The following DTNB variants were observed in gnomAD, a reference collection of about 807,000 sequenced individuals.
DTNB encodes DTN-B.
DTNB carries 63 observed loss-of-function variants against 90.7 expected under a neutral mutation model. The observed-to-expected ratio is 0.69, with a 90% CI of 0.57 to 0.86. DTNB has a LOEUF of 0.86. Among genes scored for constraint, DTNB ranks in the 40% least tolerant of loss-of-function variants. The probability of loss-of-function intolerance (pLI) is 0.00; values close to 1 mark genes in which losing one functional copy is unlikely to be tolerated. For missense variants in DTNB, 744 were observed against 807.1 expected (o/e 0.92, Z 0.95); for synonymous variants, 277 against 286.7 (o/e 0.97, Z 0.34).
intron 8 of DTNB, among the ~76,000 whole-genome samples, chr2:25,536,566 G>A (rs1219311457): frequency 6.6e-6 from 1 of 152,148 alleles, no homozygotes. Context: ...CTAAGGAGTG[G>A]CGGCGTGTGC....
chr2:25,643,298 G>C (rs1417268347), intron 2 of DTNB, among the ~76,000 whole-genome samples: 1 of 152,038 alleles, frequency 6.6e-6, no homozygotes, highest in Non-Finnish European at 1.5e-5. Flanking sequence ...GCTTCTCCCA[G>C]ATCCCTTCTG....
intron 1 of DTNB, chr2:25,653,150 G>A (rs2081295262): frequency 6.6e-6 from 1 of 152,264 alleles, no homozygotes; most frequent in South Asian, 2.1e-4. Flanking sequence ...ATACGGTTTG[G>A]CTGTGTCCCC....
chr2:25,427,210 C>CAT (rs2052039101), intron 15 of DTNB, among the ~76,000 whole-genome samples: 1 of 151,866 alleles, frequency 6.6e-6, no homozygotes, highest in Admixed American at 6.6e-5. Flanking sequence ...CACACACACA[C>CAT]ACACACACAC....
intron 8 of DTNB, among the ~76,000 whole-genome samples, chr2:25,555,952 G>A (rs905245211): frequency 4.6e-5 from 7 of 152,128 alleles, no homozygotes; most frequent in Non-Finnish European, 7.4e-5. Flanking sequence ...CCCAGGAGGC[G>A]GAGGTTCCAG....
chr2:25,388,109 C>G lies in DTNB; in HGVS notation c.1735+93G>C, dbSNP rs1266524724. On this transcript the variant is annotated intron_variant, in intron 17 of 20. Transcript: ENST00000406818. ...AAATCTGATCATTCCAAGCAAAGAG[C>G]ACAAAACAGAAATGGAAAAAACCTC... is the stretch of plus-strand genomic sequence containing the variant. 4.0e-6 allele frequency: 6 copies of G among 1,515,410 alleles called. No homozygotes were observed. In the South Asian group the frequency reaches 7.5e-5, roughly 19 times the overall value. 93.9% of individuals were successfully genotyped at this position (1,515,410 alleles called of 1,614,324 possible).
At position 25,580,770 on chromosome 2, in the gene DTNB, C is replaced by A; in HGVS notation, c.660G>T (p.Gln220His). 6.2e-7 allele frequency: 1 copy of A among 1,613,606 alleles called. No individual in the cohort carries two copies. The highest frequency in any genetic ancestry group is 8.5e-7 in the Non-Finnish European group (1 of 1,179,616). The change falls in exon 7 of 21, where the codon CAG becomes CAT. Residue 220 changes from glutamine to histidine, a missense_variant. By Grantham distance (24) the Gln-to-His change is conservative. Coordinates refer to ENST00000406818, the MANE Select transcript of DTNB (RefSeq NM_021907.5). Reference sequence around the variant, plus strand: ...GCATGAGAGGTAGCCAGACAAGGCACTGGGGAGGAGGGTCAGCCATCATTG... The same window carrying A: ...GCATGAGAGGTAGCCAGACAAGGCAATGGGGAGGAGGGTCAGCCATCATTG... ...LDTMMADPPP[Q>H]CLVWLPLMHR...
At chr2:25,449,651 A>G (rs968209446) in intron 12 of DTNB, among the ~76,000 whole-genome samples, 1 of 152,110 alleles carries the variant, frequency 6.6e-6, no homozygotes, top group Admixed American at 6.6e-5. Flanking sequence ...CTCATTTTTT[A>G]AAAAAGGCTT....
chr2:25,406,178 G>A (rs994739045), intron 16 of DTNB, among the ~76,000 whole-genome samples: 3 of 152,094 alleles, frequency 2.0e-5, no homozygotes, highest in Admixed American at 1.3e-4. Flanking sequence ...TGAGAATGCC[G>A]TGGAGGCGCA....
Position 25,531,453 on chromosome 2 carries a change from A to G in DTNB, c.1001+20T>C. On this transcript the variant is annotated intron_variant, in intron 9 of 20. Coordinates refer to ENST00000406818, the MANE Select transcript of DTNB (RefSeq NM_021907.5). ...CCCCATTTCAGTGTGATCCACATGCACATCCAGGGGTATACTTACACTATA... is the reference window on the plus strand; with the variant it reads ...CCCCATTTCAGTGTGATCCACATGCGCATCCAGGGGTATACTTACACTATA... 1 of 1,601,368 alleles carries G rather than the reference A, an allele frequency of 6.2e-7. No homozygotes were observed. Among genetic ancestry groups the G allele is most frequent in the Non-Finnish European group, 8.5e-7 (1 of 1,175,666 alleles).
chr2:25,429,640 T>C (rs572284434), intron 14 of DTNB, among the ~76,000 whole-genome samples: 2 of 152,316 alleles, frequency 1.3e-5, no homozygotes, highest in Admixed American at 6.5e-5. Context: ...TGCAAAATCC[T>C]TGAGGTCAGG....
chr2:25,465,445 G>C (rs1052685814), intron 10 of DTNB, among the ~76,000 whole-genome samples: 1 of 151,740 alleles, frequency 6.6e-6, no homozygotes, highest in African/African-American at 2.4e-5. Flanking sequence ...TACTACTTTT[G>C]CAACTTTTCT....
intron 16 of DTNB, among the ~76,000 whole-genome samples, chr2:25,396,731 T>TAAAAAAAAA (rs35592591): frequency 2.3e-5 from 2 of 87,628 alleles, no homozygotes; most frequent in Admixed American, 1.3e-4. Context: ...TAAAAGGAAC[T>TAAAAAAAAA]AAAAAAAAAA....
intron 12 of DTNB, among the ~76,000 whole-genome samples, chr2:25,443,411 C>T (rs758746645): frequency 2.0e-5 from 3 of 152,130 alleles, no homozygotes; most frequent in Non-Finnish European, 2.9e-5. Flanking sequence ...TAAATAAGAC[C>T]CCTTTGAGTC....
rs1309981177 is a variant in DTNB at position 25,387,754 on chromosome 2, A to G, written c.1736-376T>C. 6.6e-6 allele frequency among the ~76,000 whole-genome samples: 1 copy of G among 152,090 alleles called. No homozygotes were observed. The highest frequency in any genetic ancestry group is 1.5e-5 in the Non-Finnish European group (1 of 68,004). ...CCTTCTCACCTCCAGCCCCAGCAGG[A>G]CTTCCCTCTGAATCCCCACCCAACT... On this transcript the variant is annotated intron_variant, in intron 17 of 20. Coordinates refer to ENST00000406818, the MANE Select transcript of DTNB (RefSeq NM_021907.5). The surrounding 1 kb of genome is among the most constrained non-coding windows in gnomAD (Gnocchi z 4.5).
At chr2:25,532,590 C>T (rs967918816) in intron 8 of DTNB, among the ~76,000 whole-genome samples, 2 of 152,218 alleles carry the variant, frequency 1.3e-5, no homozygotes, top group African/African-American at 2.4e-5. Context: ...AAGTAAGCAA[C>T]ATGCCACAAT....
At chr2:25,560,778 A>G (rs546570807) in intron 8 of DTNB, among the ~76,000 whole-genome samples, 79 of 152,290 alleles carry the variant, frequency 5.2e-4, no homozygotes, top group Admixed American at 1.3e-3. Context: ...ACAAAGAGAT[A>G]CTTTCCTAGA....
At chr2:25,566,269 G>GA (rs1254948870) in intron 8 of DTNB, among the ~76,000 whole-genome samples, 1 of 152,158 alleles carries the variant, frequency 6.6e-6, no homozygotes. Flanking sequence ...GGAAAATGGG[G>GA]ACCTCAGCAC....
rs561435742 is a variant in DTNB, at chr2:25,377,548, C to G, written c.*35G>C. The G allele has an allele frequency of 5.9e-5, 9 of 152,792 alleles. No homozygotes were observed. In the South Asian group the frequency reaches 1.9e-3, roughly 32 times the overall value. The allele number at this position is 152,792 out of a possible 1,614,324, so 9.5% of individuals were successfully genotyped here. On this transcript the variant is annotated 3_prime_UTR_variant, in exon 21 of 21. Coordinates refer to ENST00000406818, the MANE Select transcript of DTNB (RefSeq NM_021907.5). Reference sequence around the variant, plus strand: ...TCGGCGCCAGCTTGCTCCTCGTCCTCTGTGCCTGCGCAAGACACACTCACC... The same window carrying G: ...TCGGCGCCAGCTTGCTCCTCGTCCTGTGTGCCTGCGCAAGACACACTCACC...
At chr2:25,538,793 A>T (rs1239071985) in intron 8 of DTNB, among the ~76,000 whole-genome samples, 1 of 151,910 alleles carries the variant, frequency 6.6e-6, no homozygotes, top group Non-Finnish European at 1.5e-5. Flanking sequence ...ATACCTACCT[A>T]CCCACTATTC....
Sources: gnomAD v4.1 joint callset for allele counts (sites outside exome capture counted in the v4.1 genomes callset) on GRCh38, gnomAD v4.1.1 for gene constraint, Gnocchi (gnomAD v3.1) non-coding constraint, MANE v1.5 for transcripts, NCBI Gene and HGNC (gene_info 2026-07-23, HGNC 2026-07-21) for gene names.